The following RAD51D variants were observed in gnomAD, a reference collection of about 807,000 sequenced individuals.
The protein encoded by RAD51D is DNA repair protein RAD51 homolog 4.
A neutral mutation model predicts 44.1 loss-of-function variants in RAD51D; 38 were observed. The ratio of observed to expected loss-of-function variants is 0.86; its 90% CI spans 0.67 to 1.13. The LOEUF is 1.13. RAD51D is among the 50% of genes most tolerant of loss of function. The probability of loss-of-function intolerance (pLI) is 0.00; values close to 1 mark genes in which losing one functional copy is unlikely to be tolerated. For missense variants in RAD51D, 390 were observed against 414.0 expected (o/e 0.94, Z 0.50); for synonymous variants, 141 against 166.6 (o/e 0.85, Z 1.18).
intron 3 of RAD51D, among the ~76,000 whole-genome samples, chr17:35,108,360 T>A (rs940911336): frequency 6.6e-6 from 1 of 151,720 alleles, no homozygotes; most frequent in Non-Finnish European, 1.5e-5. Flanking sequence ...ACCTTAATAA[T>A]AACAACTGTA....
Position 35,100,133 on chromosome 17 carries a change from G to A in RAD51D, c.*820C>T. ...ACCTCTGGTTATGCTGTACTGTGGA[G>A]GGGCCCCACAGGGCACCATGCATAT... is the stretch of plus-strand genomic sequence containing the variant. On this transcript the variant is annotated 3_prime_UTR_variant, in exon 10 of 10. Transcript: ENST00000345365. 1.9e-6 allele frequency: 1 copy of A among 532,940 alleles called. No homozygotes were observed. The highest frequency in any genetic ancestry group is 1.5e-5 in the South Asian group (1 of 65,166). The allele number at this position is 532,940 out of a possible 1,614,324, so 33.0% of individuals were successfully genotyped here.
At chr17:35,111,775 T>C (rs1316095294) in intron 3 of RAD51D, among the ~76,000 whole-genome samples, 1 of 152,082 alleles carries the variant, frequency 6.6e-6, no homozygotes, top group Non-Finnish European at 1.5e-5. Context: ...AAACTGGTCT[T>C]CCCGTAATTA....
At chr17:35,105,998 A>G in intron 6 of RAD51D, 1 of 421,186 alleles carries the variant, frequency 2.4e-6, no homozygotes, top group East Asian at 7.0e-5. Flanking sequence ...AATCAGACAC[A>G]CAAATCTATT....
At chr17:35,109,989 G>T (rs1392390136) in intron 3 of RAD51D, among the ~76,000 whole-genome samples, 20 of 117,370 alleles carry the variant, frequency 1.7e-4, no homozygotes, top group Non-Finnish European at 2.6e-4. Context: ...TTGAGATAGG[G>T]TCTCACGTCT....
At chr17:35,112,455 G>A (rs2091689193) in intron 3 of RAD51D, among the ~76,000 whole-genome samples, 1 of 152,068 alleles carries the variant, frequency 6.6e-6, no homozygotes, top group Non-Finnish European at 1.5e-5. Flanking sequence ...TCCGCTCACT[G>A]TAACCTGCAT....
Position 35,100,393 on chromosome 17 carries a change from CCT to C in RAD51D, c.*558_*559del, listed in dbSNP as rs2091519939. The C allele has an allele frequency of 3.7e-6, 2 of 533,818 alleles. No individual in the cohort carries two copies. The highest frequency in any genetic ancestry group is 3.7e-5 in the African/African-American group (2 of 53,750). The allele number at this position is 533,818 out of a possible 1,614,324, so 33.1% of individuals were successfully genotyped here. ...GGTGGCTCTAGGGCTCGGGGAATTGCCTTTTTATATTTTTAAGAGCAAAACAG... is the reference window on the plus strand; with the variant it reads ...GGTGGCTCTAGGGCTCGGGGAATTGCTTTTATATTTTTAAGAGCAAAACAG... On this transcript the variant is annotated 3_prime_UTR_variant, in exon 10 of 10. Coordinates refer to ENST00000345365, the MANE Select transcript of RAD51D (RefSeq NM_002878.4).
rs902560548 is a variant in RAD51D at position 35,093,684 on chromosome 17, A to G, written c.*7269T>C. 5 of 152,240 alleles carry G rather than the reference A, an allele frequency of 3.3e-5. No individual in the cohort carries two copies. Among genetic ancestry groups the G allele is most frequent in the Admixed American group, 6.5e-5 (1 of 15,288 alleles). The allele number at this position is 152,240 out of a possible 1,614,324, so 9.4% of individuals were successfully genotyped here. A position where few individuals can be genotyped will look rare whatever the true frequency, so the allele number is the denominator to read the frequency against. ...AGTAAAATATTGTAAATAGTCCACTAAAGTTAGGAACAAGACAAGGATGAT... is the reference window on the plus strand; with the variant it reads ...AGTAAAATATTGTAAATAGTCCACTGAAGTTAGGAACAAGACAAGGATGAT... On this transcript the variant is annotated 3_prime_UTR_variant, in exon 10 of 10. Transcript: ENST00000345365.
chr17:35,119,601 T>A lies in RAD51D; in HGVS notation c.13A>T (p.Arg5Trp), dbSNP rs876660779. The stretch of plus-strand genomic sequence containing the variant: ...GTAAGGCCAGGGCACAGTCCGACCC[T>A]GAGCACGCCCATGTTCCCCGCAGGC... MGVL[R>W]VGLCPGLTEE... The change falls in exon 1 of 10, where the codon AGG (arginine) becomes TGG (tryptophan). Residue 5 changes from arginine to tryptophan, a missense_variant. Arg to Trp is a moderately radical substitution (Grantham distance 101, BLOSUM62 -3). Coordinates refer to ENST00000345365, the MANE Select transcript of RAD51D (RefSeq NM_002878.4). 2.5e-6 allele frequency: 4 copies of A among 1,611,776 alleles called. No individual in the cohort carries two copies. Among genetic ancestry groups the A allele is most frequent in the Non-Finnish European group, 2.5e-6 (3 of 1,179,944 alleles).
At chr17:35,101,503 G>C in intron 8 of RAD51D, 138 bp from the exon 9 acceptor site, 1 of 942,732 alleles carries the variant, frequency 1.1e-6, no homozygotes, top group South Asian at 1.4e-5. Flanking sequence ...CTAATGGCAG[G>C]TCTGGAACTA....
At chr17:35,109,170 C>T (rs892587642) in intron 3 of RAD51D, among the ~76,000 whole-genome samples, 6 of 152,054 alleles carry the variant, frequency 3.9e-5, no homozygotes, top group South Asian at 2.1e-4. Flanking sequence ...CCTGGCCCTG[C>T]GATTGGCTTT....
At chr17:35,114,900 T>C (rs563376702) in intron 3 of RAD51D, among the ~76,000 whole-genome samples, 1 of 152,290 alleles carries the variant, frequency 6.6e-6, no homozygotes, top group South Asian at 2.1e-4. Flanking sequence ...ATATCTCAAG[T>C]TTCCCAGATG....
chr17:35,101,834 G>T (rs990604742), intron 8 of RAD51D, among the ~76,000 whole-genome samples: 11 of 152,162 alleles, frequency 7.2e-5, no homozygotes, highest in Non-Finnish European at 1.5e-5. Context: ...TGTATATGAG[G>T]TTCCTAGAGT....
In RAD51D at chr17:35,119,860, C is replaced by T. The variant is rs914845137; in HGVS notation, c.-247G>A. On this transcript the variant is annotated 5_prime_UTR_variant, in exon 1 of 10. Coordinates refer to ENST00000345365, the MANE Select transcript of RAD51D (RefSeq NM_002878.4). ...CCGGGTCGCGCCGCGCTGCCGCTTC[C>T]GGGTTCCAGGCTGGCGCGCGGCGAG... 7.7e-6 allele frequency: 5 copies of T among 646,628 alleles called. No homozygotes were observed. The highest frequency in any genetic ancestry group is 1.4e-5 in the Non-Finnish European group (5 of 354,330). The allele number at this position is 646,628 out of a possible 1,614,324, so 40.1% of individuals were successfully genotyped here.
chr17:35,112,351 C>T (rs1277720229), intron 3 of RAD51D, among the ~76,000 whole-genome samples: 4 of 152,198 alleles, frequency 2.6e-5, no homozygotes, highest in Non-Finnish European at 5.9e-5. Flanking sequence ...GCTGGGATTA[C>T]AGGCGTGAAC....
At chr17:35,111,874 C>T (rs911182628) in intron 3 of RAD51D, among the ~76,000 whole-genome samples, 1 of 152,146 alleles carries the variant, frequency 6.6e-6, no homozygotes, top group Admixed American at 6.6e-5. Flanking sequence ...AACTTGGGGA[C>T]AATTGAAATC....
rs1435997941 is a variant in RAD51D, at chr17:35,106,393, G to A, written c.569C>T (p.Ala190Val). ...DVLQELRGTV[A>V]QQVTGSSGTV... is the part of the protein sequence containing the mutation. ...GCAGAACAGCAGGCTCACCTGCTGG[G>A]CCACAGTGCCTCGGAGCTCCTGCAG... is the stretch of plus-strand genomic sequence containing the variant. The change falls in exon 6 of 10, where the codon GCC becomes GTC. Residue 190 changes from alanine (A) to valine (V), a missense_variant. Physicochemically the swap from Ala to Val is moderately conservative, Grantham distance 64. Coordinates refer to ENST00000345365, the MANE Select transcript of RAD51D (RefSeq NM_002878.4). 6.2e-7 allele frequency: 1 copy of A among 1,612,942 alleles called. No homozygotes were observed. Among genetic ancestry groups the A allele is most frequent in the Non-Finnish European group, 8.5e-7 (1 of 1,179,434 alleles).
rs2142421587 is a variant in RAD51D at position 35,103,580 on chromosome 17, C to T, written c.577-36G>A. On this transcript the variant is annotated intron_variant, in intron 6 of 9. Coordinates refer to ENST00000345365, the MANE Select transcript of RAD51D (RefSeq NM_002878.4). The surrounding 1 kb of genome is among the most constrained non-coding windows in gnomAD (Gnocchi z 4.1). ...GTGGGGGAAGCACTCATGAACCTGT[C>T]AGCCTCTAGGACACATTACAGGACA... 6.5e-7 allele frequency: 1 copy of T among 1,530,180 alleles called. No individual in the cohort carries two copies. 94.8% of individuals were successfully genotyped at this position (1,530,180 alleles called of 1,614,324 possible).
rs1555568301 is a variant in RAD51D at position 35,107,023 on chromosome 17, G to A, written c.445C>T (p.Leu149=). The A allele has an allele frequency of 1.9e-6, 3 of 1,614,212 alleles. No homozygotes were observed. Among genetic ancestry groups the A allele is most frequent in the Non-Finnish European group, 2.5e-6 (3 of 1,180,042 alleles). Residue 149 remains leucine (L), a synonymous_variant, in exon 5 of 10, where the codon CTG becomes TTG. Coordinates refer to ENST00000345365, the MANE Select transcript of RAD51D (RefSeq NM_002878.4). ...GGLTASRLLQ[L]LQAKTQDEEE... is the part of the protein sequence containing the mutation. ...TCATCCTGGGTTTTAGCCTGAAGCA[G>A]CTGGAGGAGGCGGGAAGCTGTCAGC...
intron 3 of RAD51D, among the ~76,000 whole-genome samples, chr17:35,111,036 G>A (rs1567730692): frequency 6.6e-6 from 1 of 151,902 alleles, no homozygotes. Context: ...GGGAGGCGGG[G>A]GTTGCAGTGA....
Sources: allele counts gnomAD v4.1 joint callset (sites outside exome capture counted in the v4.1 genomes callset), GRCh38; gene constraint gnomAD v4.1.1; non-coding constraint Gnocchi (gnomAD v3.1); transcripts MANE v1.5; gene names NCBI Gene and HGNC (gene_info 2026-07-23, HGNC 2026-07-21).